The following SZRD1 variants were observed in gnomAD, a reference collection of about 807,000 sequenced individuals.
SZRD1 encodes the protein SUZ RNA binding domain containing 1, also known as SUZ RNA-binding domain-containing.
In SZRD1, 7 loss-of-function variants were observed where a neutral mutation model predicts 17.6. The observed-to-expected ratio is 0.40, with a 90% CI of 0.23 to 0.75. SZRD1 has a LOEUF of 0.75. Ranked by LOEUF, SZRD1 falls within the 30% of genes least tolerant of loss-of-function variation. The pLI, the probability that SZRD1 is intolerant of heterozygous loss-of-function variation, is 0.38. For missense variants in SZRD1, 178 were observed against 201.8 expected, an observed-to-expected ratio of 0.88 and a Z score of 0.71; for synonymous variants, 77 against 77.9, an observed-to-expected ratio of 0.99 and a Z score of 0.06.
At chr1:16,392,590 G>T (rs1230102094) in intron 2 of SZRD1, among the ~76,000 whole-genome samples, 1 of 152,226 alleles carries the variant, frequency 6.6e-6, no homozygotes, top group Non-Finnish European at 1.5e-5. Flanking sequence ...AGACCAGGGA[G>T]CCCTGGCAAG....
intron 1 of SZRD1, among the ~76,000 whole-genome samples, chr1:16,373,056 A>C (rs552297800): frequency 7.4e-4 from 113 of 152,152 alleles, no homozygotes; most frequent in African/African-American, 2.7e-3. Context: ...AGAGACAAAT[A>C]CACAGCATTG....
At chr1:16,373,898 C>T (rs1220407790) in intron 1 of SZRD1, among the ~76,000 whole-genome samples, 6 of 152,266 alleles carry the variant, frequency 3.9e-5, no homozygotes, top group Admixed American at 6.5e-5. Context: ...CCACCACACC[C>T]GGCCCATAGT....
chr1:16,381,429 C>T (rs1252717862), intron 1 of SZRD1, among the ~76,000 whole-genome samples: 18 of 151,022 alleles, frequency 1.2e-4, no homozygotes, highest in African/African-American at 3.9e-4. Context: ...TGGTGGCACA[C>T]GCCTGTAATC....
At chr1:16,368,163 T>C (rs577870229) in intron 1 of SZRD1, 2 of 152,354 alleles carry the variant, frequency 1.3e-5, no homozygotes, top group South Asian at 4.1e-4. Context: ...GATTTGTGAA[T>C]AATTTGGTCT....
In SZRD1 at chr1:16,375,298, CTGTA is replaced by C. The variant is rs145711253; in HGVS notation, c.51+7993_51+7996del. Among the ~76,000 whole-genome samples, 1,434 of 152,164 alleles carry C rather than the reference CTGTA, an allele frequency of 9.4e-3. 14 individuals are homozygous for C. The highest frequency in any genetic ancestry group is 0.016 in the Non-Finnish European group (1,079 of 68,012). On this transcript the variant is annotated intron_variant, in intron 1 of 3. Coordinates refer to ENST00000401088, the MANE Select transcript of SZRD1 (RefSeq NM_001114600.3). The stretch of plus-strand genomic sequence containing the variant: ...GAAATTAGCAACAAACCCCAATAGT[CTGTA>C]TGGAGACAGATAATTTTTTTTTCTT...
At position 16,393,451 on chromosome 1, in the gene SZRD1, G is replaced by A. The variant is rs1156403725; in HGVS notation, c.325G>A (p.Glu109Lys). 2.5e-6 allele frequency: 4 copies of A among 1,613,528 alleles called. No homozygotes were observed. The highest frequency in any genetic ancestry group is 3.3e-5 in the Admixed American group (2 of 59,956). ...GCGGATCCTGGGCAGCGCCAGCCCC[G>A]AGGAGGAGCAGGAGAAACCCATCCT... ...RKRILGSASP[E>K]EEQEKPILDR... The change falls in exon 3 of 4, where the codon GAG becomes AAG. Residue 109 changes from glutamate to lysine, a missense_variant. This residue lies in a region of SZRD1 where 57 missense variants were observed against 71.9 expected (regional missense o/e 0.79). Transcript: ENST00000401088. This position sits in a 1 kb window ranked among gnomAD's most constrained non-coding sequence, Gnocchi z 5.6.
chr1:16,368,589 T>G (rs1196766279), intron 1 of SZRD1, among the ~76,000 whole-genome samples: 1 of 152,232 alleles, frequency 6.6e-6, no homozygotes, highest in Non-Finnish European at 1.5e-5. Context: ...TCTTGAGTTT[T>G]GGCTTAAGAA....
chr1:16,378,410 G>T (rs921612504), intron 1 of SZRD1, among the ~76,000 whole-genome samples: 1 of 149,518 alleles, frequency 6.7e-6, no homozygotes, highest in African/African-American at 2.5e-5. Flanking sequence ...TCAGCCTCCC[G>T]AGTAGCTGGA....
In SZRD1 at chr1:16,393,098, A is replaced by G. The variant is rs1307317964; in HGVS notation, c.102-130A>G. On this transcript the variant is annotated intron_variant, in intron 2 of 3. Transcript: ENST00000401088. This position sits in a 1 kb window ranked among gnomAD's most constrained non-coding sequence, Gnocchi z 5.6. Reference sequence around the variant, plus strand: ...GGAGTGGAAATTTTGCTGTCTGGTCAGAGGCCAGAGAATCATGCATGGGTA... The same window carrying G: ...GGAGTGGAAATTTTGCTGTCTGGTCGGAGGCCAGAGAATCATGCATGGGTA... The G allele has an allele frequency of 3.8e-6, 5 of 1,300,874 alleles. No individual in the cohort carries two copies. In the African/African-American group the frequency reaches 5.9e-5, roughly 15 times the overall value. The allele number at this position is 1,300,874 out of a possible 1,614,324, so 80.6% of individuals were successfully genotyped here.
chr1:16,387,969 C>G (rs1480554371), intron 1 of SZRD1, among the ~76,000 whole-genome samples: 1 of 152,160 alleles, frequency 6.6e-6, no homozygotes, highest in Non-Finnish European at 1.5e-5. Flanking sequence ...CCAGGTCGTT[C>G]TCTTATTATT....
intron 1 of SZRD1, among the ~76,000 whole-genome samples, chr1:16,380,170 G>C (rs1392719253): frequency 6.6e-6 from 1 of 152,168 alleles, no homozygotes; most frequent in East Asian, 1.9e-4. Flanking sequence ...TGGTGGAATT[G>C]CCATCTTACA....
rs1175426761 is a variant in SZRD1 at position 16,393,200 on chromosome 1, T to G, written c.102-28T>G. ...GGGCCTCCTTAGTCAGGAGCATGAT[T>G]TGTGAAGCTGTGTTTGCTCTTTGTC... On this transcript the variant is annotated intron_variant, in intron 2 of 3. Transcript: ENST00000401088. The surrounding 1 kb of genome is among the most constrained non-coding windows in gnomAD (Gnocchi z 5.6). The G allele has an allele frequency of 6.2e-7, 1 of 1,609,180 alleles. No individual in the cohort carries two copies. The highest frequency in any genetic ancestry group is 8.5e-7 in the Non-Finnish European group (1 of 1,176,344).
chr1:16,374,506 T>G (rs915338540), intron 1 of SZRD1, among the ~76,000 whole-genome samples: 1 of 152,228 alleles, frequency 6.6e-6, no homozygotes, highest in African/African-American at 2.4e-5. Flanking sequence ...GGCTAGAAAT[T>G]CCAGCAATCA....
rs2085225553 is a variant in SZRD1 at position 16,391,793 on chromosome 1, T to G, written c.101+369T>G. On this transcript the variant is annotated intron_variant, in intron 2 of 3. Transcript: ENST00000401088. This position sits in a 1 kb window ranked among gnomAD's most constrained non-coding sequence, Gnocchi z 4.3. The stretch of plus-strand genomic sequence containing the variant: ...TTCTTTCTCTGTGGCATGAGGAGTG[T>G]GGGCAGATGATTTCTCTGGGTCCCC... Among the ~76,000 whole-genome samples the G allele has an allele frequency of 6.6e-6, 1 of 152,120 alleles. No individual in the cohort carries two copies. The highest frequency in any genetic ancestry group is 6.6e-5 in the Admixed American group (1 of 15,254).
At chr1:16,375,631 C>T (rs2082989267) in intron 1 of SZRD1, among the ~76,000 whole-genome samples, 1 of 152,080 alleles carries the variant, frequency 6.6e-6, no homozygotes, top group South Asian at 2.1e-4. Context: ...AGAATCTTGT[C>T]CTTGACGGTG....
chr1:16,375,658 C>T (rs1354851200), intron 1 of SZRD1, among the ~76,000 whole-genome samples: 1 of 152,116 alleles, frequency 6.6e-6, no homozygotes, highest in Admixed American at 6.6e-5. Context: ...TTCAAAATGC[C>T]CATCACAGTA....
intron 1 of SZRD1, among the ~76,000 whole-genome samples, chr1:16,381,068 G>C (rs2083092035): frequency 6.8e-6 from 1 of 147,222 alleles, no homozygotes; most frequent in Non-Finnish European, 1.5e-5. Context: ...GGGCAACAGA[G>C]CAAGACCCTG....
Position 16,396,164 on chromosome 1 carries a change from A to T in SZRD1, c.*1024A>T, listed in dbSNP as rs2085308326. 6.6e-6 allele frequency: 1 copy of T among 152,564 alleles called. No homozygotes were observed. The highest frequency in any genetic ancestry group is 2.4e-5 in the African/African-American group (1 of 41,424). The allele number at this position is 152,564 out of a possible 1,614,324, so 9.5% of individuals were successfully genotyped here. ...ATCAGCACAAGGAAAACCAGGAGAG[A>T]GTCTGCCTCCAGGACTCTGAGCCTT... On this transcript the variant is annotated 3_prime_UTR_variant, in exon 4 of 4. Transcript: ENST00000401088.
intron 1 of SZRD1, among the ~76,000 whole-genome samples, chr1:16,386,585 A>T (rs1017902610): frequency 2.6e-5 from 4 of 152,202 alleles, no homozygotes; most frequent in African/African-American, 9.6e-5. Flanking sequence ...TGATACCTGG[A>T]CAGACTCCAG....
Sources: gnomAD v4.1 joint callset for allele counts (sites outside exome capture counted in the v4.1 genomes callset) on GRCh38, gnomAD v4.1.1 for gene constraint, gnomAD v4.1.1 regional missense constraint, Gnocchi (gnomAD v3.1) non-coding constraint, MANE v1.5 for transcripts, NCBI Gene and HGNC (gene_info 2026-07-23, HGNC 2026-07-21) for gene names.